The following HAUS3 variants were observed in gnomAD, a reference collection of about 807,000 sequenced individuals.
HAUS3 encodes HAUS augmin like complex subunit 3.
In HAUS3, 36 loss-of-function variants were observed where a neutral mutation model predicts 55.2. The observed-to-expected ratio is 0.65, with a 90% CI of 0.50 to 0.86. The LOEUF is 0.86. Ranked by LOEUF, HAUS3 falls within the 40% of genes least tolerant of loss-of-function variation. HAUS3 has a pLI of 0.00. For synonymous variants in HAUS3, 234 were observed against 238.6 expected (o/e 0.98, Z 0.18); for missense variants, 752 against 671.5 (o/e 1.12, Z -1.33).
chr4:2,236,185 A>G lies in HAUS3; in HGVS notation c.1578+43T>C, dbSNP rs748012547. 10 of 1,217,596 alleles carry G rather than the reference A, an allele frequency of 8.2e-6. No homozygotes were observed. The East Asian group carries it at 2.4e-4, about 29-fold the overall frequency. The allele number at this position is 1,217,596 out of a possible 1,614,324, so 75.4% of individuals were successfully genotyped here. ...TTCTTTAATATCTTTTACAACAAGC[A>G]TTTTTTTAAAAAGCATTTTTAACTA... On this transcript the variant is annotated intron_variant, in intron 5 of 5. Transcript: ENST00000443786.
chr4:2,241,009 T>C lies in HAUS3; in HGVS notation c.-63A>G. The C allele has an allele frequency of 1.6e-6, 2 of 1,273,952 alleles. No homozygotes were observed. The highest frequency in any genetic ancestry group is 2.7e-5 in the South Asian group (2 of 74,980). The allele number at this position is 1,273,952 out of a possible 1,614,324, so 78.9% of individuals were successfully genotyped here. ...GTTTACGGTGTTGATTTTTAGAAAA[T>C]AAATCCAAGCAGAAAAAAAGCTACG... On this transcript the variant is annotated 5_prime_UTR_variant, in exon 3 of 6. Transcript: ENST00000443786.
chr4:2,240,135 C>A lies in HAUS3; in HGVS notation c.812G>T (p.Cys271Phe). 1 of 1,613,930 alleles carries A rather than the reference C, an allele frequency of 6.2e-7. No homozygotes were observed. The highest frequency in any genetic ancestry group is 8.5e-7 in the Non-Finnish European group (1 of 1,179,820). The change falls in exon 3 of 6, where the codon TGT becomes TTT. Residue 271 changes from cysteine (C) to phenylalanine (F), a missense_variant. Cys to Phe is a radical substitution (Grantham distance 205, BLOSUM62 -2). Transcript: ENST00000443786. ...EMARLQLAYI[C>F]AQHQLIHLKA... ...TAAGTGAATTAACTGATGTTGAGCACAAATGTATGCGAGCTGCAGTCTAGC... is the reference window on the plus strand; with the variant it reads ...TAAGTGAATTAACTGATGTTGAGCAAAAATGTATGCGAGCTGCAGTCTAGC...
Position 2,240,274 on chromosome 4 carries a change from C to T in HAUS3, c.673G>A (p.Gly225Ser), listed in dbSNP as rs1478830249. ...GAACTTTCAACTACTTCATGTATAC[C>T]CTGAAAGAACTGTTTTTTGGTATAC... is the stretch of plus-strand genomic sequence containing the variant. ...TLYTKKQFFQGIHEVVESSNE... is the reference protein window; with the variant it reads ...TLYTKKQFFQSIHEVVESSNE... The change falls in exon 3 of 6, where the codon GGT (glycine) becomes AGT (serine). Residue 225 changes from glycine (G) to serine (S), a missense_variant. Physicochemically the swap from Gly to Ser is moderately conservative, Grantham distance 56. Transcript: ENST00000443786. 1 of 1,613,374 alleles carries T rather than the reference C, an allele frequency of 6.2e-7. No homozygotes were observed. The highest frequency in any genetic ancestry group is 1.1e-5 in the South Asian group (1 of 90,996).
At chr4:2,237,269 A>AT (rs1560104934) in intron 4 of HAUS3, among the ~76,000 whole-genome samples, 3 of 137,332 alleles carry the variant, frequency 2.2e-5, no homozygotes, top group East Asian at 2.2e-4. Flanking sequence ...CATCTCTACA[A>AT]ATTTTTTTTT....
Position 2,241,016 on chromosome 4 carries a change from A to C in HAUS3, c.-70T>G. 1 of 1,216,816 alleles carries C rather than the reference A, an allele frequency of 8.2e-7. No homozygotes were observed. Among genetic ancestry groups the C allele is most frequent in the South Asian group, 1.4e-5 (1 of 73,642 alleles). 75.4% of individuals were successfully genotyped at this position (1,216,816 alleles called of 1,614,324 possible). A position where few individuals can be genotyped will look rare whatever the true frequency, so the allele number is the denominator to read the frequency against. On this transcript the variant is annotated 5_prime_UTR_variant, in exon 3 of 6. Transcript: ENST00000443786. ...GTGTTGATTTTTAGAAAATAAATCC[A>C]AGCAGAAAAAAAGCTACGTTTTATA...
intron 5 of HAUS3, among the ~76,000 whole-genome samples, chr4:2,235,567 C>T (rs1734730967): frequency 6.6e-6 from 1 of 152,134 alleles, no homozygotes; most frequent in Non-Finnish European, 1.5e-5. Flanking sequence ...TATGAATGAA[C>T]TATATAGCTT....
At chr4:2,241,919 AGC>A in intron 1 of HAUS3, 129 bp from the exon 2 acceptor site, 1 of 985,502 alleles carries the variant, frequency 1.0e-6, no homozygotes, top group Non-Finnish European at 1.2e-6. Flanking sequence ...ATCCCCGGGC[AGC>A]TGCTGGAGCA....
Position 2,240,297 on chromosome 4 carries a change from T to C in HAUS3, c.650A>G (p.Tyr217Cys), listed in dbSNP as rs563305772. The C allele has an allele frequency of 8.9e-5, 143 of 1,611,594 alleles. 1 individual carries two copies. In the South Asian group the frequency reaches 1.4e-3, roughly 16 times the overall value. Reference sequence around the variant, plus strand: ...ACCCTGAAAGAACTGTTTTTTGGTATACAAAGTTAATGCTGCTGTGCTTTG... The same window carrying C: ...ACCCTGAAAGAACTGTTTTTTGGTACACAAAGTTAATGCTGCTGTGCTTTG... ...EEQSTAALTL[Y>C]TKKQFFQGIH... Residue 217 changes from tyrosine to cysteine, a missense_variant, in exon 3 of 6, where the codon TAT becomes TGT. Tyr to Cys is a radical substitution (Grantham distance 194). Transcript: ENST00000443786.
At position 2,229,085 on chromosome 4, in the gene HAUS3, T is replaced by C; in HGVS notation, c.*2842A>G. On this transcript the variant is annotated 3_prime_UTR_variant, in exon 6 of 6. Transcript: ENST00000443786. ...AAGTATCAAGAGAAAGAAAGGTTCA[T>C]AAAAATTACTTACTCTCTGTACTCT... 2 of 1,570,564 alleles carry C rather than the reference T, an allele frequency of 1.3e-6. No homozygotes were observed. Among genetic ancestry groups the C allele is most frequent in the Non-Finnish European group, 1.7e-6 (2 of 1,155,862 alleles).
intron 5 of HAUS3, 50 bp downstream of exon 5, chr4:2,236,178 A>C: frequency 9.0e-7 from 1 of 1,115,750 alleles, no homozygotes; most frequent in Non-Finnish European, 1.3e-6. Flanking sequence ...TATCTTTTAC[A>C]ACAAGCATTT....
chr4:2,230,741 G>A lies in HAUS3; in HGVS notation c.*1186C>T, dbSNP rs1734552162. On this transcript the variant is annotated 3_prime_UTR_variant, in exon 6 of 6. Coordinates refer to ENST00000443786, the MANE Select transcript of HAUS3 (RefSeq NM_001303143.2). ...GCATTCCATATTACGAACAGGTGAG[G>A]AATATTCTTAAAGGTATTCCTACAA... 1 of 151,704 alleles carries A rather than the reference G, an allele frequency of 6.6e-6. No individual in the cohort carries two copies. The highest frequency in any genetic ancestry group is 6.6e-5 in the Admixed American group (1 of 15,210). 9.4% of individuals were successfully genotyped at this position (151,704 alleles called of 1,614,324 possible).
At chr4:2,239,121 CT>C in intron 3 of HAUS3, 78 bp from the exon 4 acceptor site, 1 of 702,794 alleles carries the variant, frequency 1.4e-6, no homozygotes, top group Non-Finnish European at 2.2e-6. Flanking sequence ...TCACTTTCCA[CT>C]TTAGGTGACC....
At position 2,231,338 on chromosome 4, in the gene HAUS3, T is replaced by C. The variant is rs1418599055; in HGVS notation, c.*589A>G. 1 of 152,352 alleles carries C rather than the reference T, an allele frequency of 6.6e-6. No homozygotes were observed. Among genetic ancestry groups the C allele is most frequent in the African/African-American group, 2.4e-5 (1 of 41,464 alleles). The allele number at this position is 152,352 out of a possible 1,614,324, so 9.4% of individuals were successfully genotyped here. On this transcript the variant is annotated 3_prime_UTR_variant, in exon 6 of 6. Transcript: ENST00000443786. ...AATAGCGGCTGAGCGTGGTGGCTCA[T>C]GCCTGTAATTCCGGCACTTTGGGAG... is the stretch of plus-strand genomic sequence containing the variant.
intron 3 of HAUS3, 115 bp from the exon 4 acceptor site, chr4:2,239,158 CTAATT>C: frequency 1.9e-6 from 1 of 539,004 alleles, no homozygotes; most frequent in Non-Finnish European, 3.1e-6. Context: ...TGAATGAAAA[CTAATT>C]TAATATTCAT....
intron 5 of HAUS3, among the ~76,000 whole-genome samples, chr4:2,234,773 C>A (rs1379659942): frequency 6.6e-6 from 1 of 152,158 alleles, no homozygotes; most frequent in Non-Finnish European, 1.5e-5. Context: ...TGCTTTGATT[C>A]ACTGCAATTT....
chr4:2,232,196 T>G, intron 5 of HAUS3, 36 bp from the exon 6 acceptor site: 1 of 952,736 alleles, frequency 1.0e-6, no homozygotes, highest in Middle Eastern at 3.1e-4. Context: ...ATTAAAACAC[T>G]TTATTCCTAA....
chr4:2,241,541 G>C lies in HAUS3; in HGVS notation c.-169C>G. ...TTACCTCAACGTCTCGCCGGGCAAGGCTCCACCTCCAGAGTCCACCACCGC... is the reference window on the plus strand; with the variant it reads ...TTACCTCAACGTCTCGCCGGGCAAGCCTCCACCTCCAGAGTCCACCACCGC... On this transcript the variant is annotated 5_prime_UTR_variant, in exon 2 of 6. Transcript: ENST00000443786. 1 of 985,912 alleles carries C rather than the reference G, an allele frequency of 1.0e-6. No homozygotes were observed. Among genetic ancestry groups the C allele is most frequent in the African/African-American group, 1.7e-5 (1 of 57,384 alleles). The allele number at this position is 985,912 out of a possible 1,614,324, so 61.1% of individuals were successfully genotyped here. A position where few individuals can be genotyped will look rare whatever the true frequency, so the allele number is the denominator to read the frequency against.
In HAUS3 at chr4:2,241,021, G is replaced by GA. The variant is rs878959596; in HGVS notation, c.-76dup. 9.9e-6 allele frequency: 11 copies of GA among 1,106,930 alleles called. No homozygotes were observed. Among genetic ancestry groups the GA allele is most frequent in the South Asian group, 2.8e-5 (2 of 70,896 alleles). 68.6% of individuals were successfully genotyped at this position (1,106,930 alleles called of 1,614,324 possible). On this transcript the variant is annotated 5_prime_UTR_variant, in exon 3 of 6. Transcript: ENST00000443786. ...GATTTTTAGAAAATAAATCCAAGCA[G>GA]AAAAAAAGCTACGTTTTATACCAAG...
At chr4:2,241,836 A>G in intron 1 of HAUS3, 46 bp from the exon 2 acceptor site, 3 of 985,504 alleles carry the variant, frequency 3.0e-6, no homozygotes, top group Non-Finnish European at 3.6e-6. Context: ...GTCGACACCG[A>G]GCTGCAGAAG....
Sources: allele counts gnomAD v4.1 joint callset (sites outside exome capture counted in the v4.1 genomes callset), GRCh38; gene constraint gnomAD v4.1.1; transcripts MANE v1.5; gene names NCBI Gene and HGNC (gene_info 2026-07-23, HGNC 2026-07-21).